CUL9: variants seen among roughly 807,000 people sequenced by gnomAD.
The protein encoded by CUL9 is cullin 9, also known as cullin-9.
CUL9 carries 79 observed loss-of-function variants against 272.6 expected under a neutral mutation model. That is an observed-to-expected ratio of 0.29 (90% CI 0.24 to 0.35). The LOEUF is 0.35. CUL9 is among the 10% of genes least tolerant of loss of function. The probability of loss-of-function intolerance (pLI) is 1.00; values close to 1 mark genes in which losing one functional copy is unlikely to be tolerated. For synonymous variants in CUL9, 1,186 were observed against 1,286.5 expected (o/e 0.92, Z 1.67); for missense variants, 2,532 against 3,255.6 (o/e 0.78, Z 5.41).
Position 43,188,027 on chromosome 6 carries a change from C to A in CUL9, c.1896C>A (p.Thr632=). 1 of 1,613,914 alleles carries A rather than the reference C, an allele frequency of 6.2e-7. No individual in the cohort carries two copies. The highest frequency in any genetic ancestry group is 1.7e-4 in the Middle Eastern group (1 of 6,060). ...EAEPTKTRTE[T]PMAQSDSQLF... Reference sequence around the variant, plus strand: ...AGCCCACCAAGACAAGGACCGAGACCCCCATGGCACAGAGTGATTCTCAGC... The same window carrying A: ...AGCCCACCAAGACAAGGACCGAGACACCCATGGCACAGAGTGATTCTCAGC... Residue 632 remains threonine, a synonymous_variant, in exon 7 of 41, where the codon ACC becomes ACA. Coordinates refer to ENST00000252050, the MANE Select transcript of CUL9 (RefSeq NM_015089.4).
At position 43,204,387 on chromosome 6, in the gene CUL9, G is replaced by A; in HGVS notation, c.4187G>A (p.Trp1396Ter). Residue 1396 changes from tryptophan (W) to a stop codon, truncating the protein, a stop_gained, in exon 21 of 41, where the codon TGG becomes TAG. Coordinates refer to ENST00000252050, the MANE Select transcript of CUL9 (RefSeq NM_015089.4). LOFTEE classifies it high-confidence loss of function. ...GCGGAAGGCGTGAGTGCCCTGGGAT[G>A]GCTGCTGGATCAGTACTTAGAACAG... The part of the protein sequence containing the change: ...PDAEGVSALG[W>*]LLDQYLEQRE... The A allele has an allele frequency of 1.2e-6, 2 of 1,614,146 alleles. No homozygotes were observed. Among genetic ancestry groups the A allele is most frequent in the Non-Finnish European group, 1.7e-6 (2 of 1,180,016 alleles).
chr6:43,214,411 T>C (rs1173430636), intron 29 of CUL9, among the ~76,000 whole-genome samples: 1 of 152,136 alleles, frequency 6.6e-6, no homozygotes, highest in Non-Finnish European at 1.5e-5. Flanking sequence ...AGCAAGACTC[T>C]GTCTCAAAAA....
rs1368593789 is a variant in CUL9, at chr6:43,198,626, ATCCAGGG to A, written c.2824_2830del (p.Gln942ArgfsTer8). 6.2e-7 allele frequency: 1 copy of A among 1,614,028 alleles called. No homozygotes were observed. Among genetic ancestry groups the A allele is most frequent in the Admixed American group, 1.7e-5 (1 of 60,000 alleles). On this transcript the variant is annotated frameshift_variant, in exon 12 of 41. Coordinates refer to ENST00000252050, the MANE Select transcript of CUL9 (RefSeq NM_015089.4). LOFTEE classifies it high-confidence loss of function. Reference sequence around the variant, plus strand: ...GGCTGCAGCACTAGAGACCCCCATCATCCAGGGTCAGGATGGGTCCCCTGAGCTACTG... The same window carrying A: ...GGCTGCAGCACTAGAGACCCCCATCATCAGGATGGGTCCCCTGAGCTACTG...
chr6:43,210,063 C>T (rs542438805), intron 26 of CUL9, among the ~76,000 whole-genome samples: 14 of 152,256 alleles, frequency 9.2e-5, no homozygotes, highest in South Asian at 6.2e-4. Context: ...CTGCAACCTC[C>T]GCCTCCCAGG....
Position 43,216,515 on chromosome 6 carries a change from C to G in CUL9, c.6282+12C>G. ...ACTATTGCTGTAAGGTGAGGCCCCA[C>G]CAGCATTGCTCCTGCCCCTGGCTTT... On this transcript the variant is annotated intron_variant, in intron 31 of 40. Transcript: ENST00000252050. 1 of 1,569,048 alleles carries G rather than the reference C, an allele frequency of 6.4e-7. No homozygotes were observed. The highest frequency in any genetic ancestry group is 8.7e-7 in the Non-Finnish European group (1 of 1,149,414).
intron 9 of CUL9, among the ~76,000 whole-genome samples, chr6:43,194,042 C>T (rs963190616): frequency 4.6e-5 from 7 of 152,168 alleles, no homozygotes; most frequent in Admixed American, 3.3e-4. Context: ...AGGCCCTTAT[C>T]CAGAGTAGCT....
chr6:43,221,691 C>T lies in CUL9; in HGVS notation c.6759C>T (p.Thr2253=). 2 of 1,613,874 alleles carry T rather than the reference C, an allele frequency of 1.2e-6. No individual in the cohort carries two copies. Among genetic ancestry groups the T allele is most frequent in the South Asian group, 2.2e-5 (2 of 91,048 alleles). The part of the protein sequence containing the change: ...IEKNEGCLHM[T]CAKCNHGFCW... ...CAGCCAGCTTCCTCCATAGCATGAC[C>T]TGTGCCAAATGTAACCATGGATTCT... is the stretch of plus-strand genomic sequence containing the variant. The change falls in exon 35 of 41, where the codon ACC becomes ACT. Residue 2253 remains threonine, a synonymous_variant. Coordinates refer to ENST00000252050, the MANE Select transcript of CUL9 (RefSeq NM_015089.4). The surrounding 1 kb of genome is among the most constrained non-coding windows in gnomAD (Gnocchi z 4.2).
chr6:43,214,471 T>C (rs1775774104), intron 29 of CUL9, among the ~76,000 whole-genome samples: 1 of 152,104 alleles, frequency 6.6e-6, no homozygotes, highest in Non-Finnish European at 1.5e-5. Flanking sequence ...AATGTTATTT[T>C]ATTTCATTTG....
intron 29 of CUL9, among the ~76,000 whole-genome samples, chr6:43,214,511 TTAG>T (rs1775776984): frequency 6.6e-6 from 1 of 151,946 alleles, no homozygotes; most frequent in Non-Finnish European, 1.5e-5. Context: ...TATGAGAAAC[TTAG>T]TAGTGGCCGG....
intron 9 of CUL9, among the ~76,000 whole-genome samples, chr6:43,195,705 C>T (rs1773934962): frequency 6.6e-6 from 1 of 152,066 alleles, no homozygotes; most frequent in East Asian, 1.9e-4. Context: ...CCCCTGAAGA[C>T]AACTAGATGC....
At chr6:43,187,601 C>A in intron 6 of CUL9, 112 bp from the exon 7 acceptor site, 1 of 1,353,792 alleles carries the variant, frequency 7.4e-7, no homozygotes, top group African/African-American at 1.4e-5. Context: ...CTGTGAGGGT[C>A]TAGTATGTAG....
intron 5 of CUL9, 37 bp from the exon 6 acceptor site, chr6:43,187,209 T>TGAGGGGTGCTG: frequency 6.2e-7 from 1 of 1,608,894 alleles, no homozygotes; most frequent in East Asian, 2.2e-5. Context: ...ACCCCATTCC[T>TGAGGGGTGCTG]GAGGGGTGCT....
chr6:43,211,054 T>TTTTTATTGTTC (rs1775440152), intron 26 of CUL9, among the ~76,000 whole-genome samples: 1 of 152,210 alleles, frequency 6.6e-6, no homozygotes, highest in African/African-American at 2.4e-5. Context: ...TTCTGAACAA[T>TTTTTATTGTTC]AAAAGGACCT....
rs145566761 is a variant in CUL9 at position 43,216,493 on chromosome 6, A to T, written c.6272A>T (p.Tyr2091Phe). 6.3e-7 allele frequency: 1 copy of T among 1,590,894 alleles called. No individual in the cohort carries two copies. ...DDLPSLCCMH[Y>F]CCKSCWNEYL... is the part of the protein sequence containing the mutation. ...CTGCCCTCTCTCTGCTGCATGCACTATTGCTGTAAGGTGAGGCCCCACCAG... is the reference window on the plus strand; with the variant it reads ...CTGCCCTCTCTCTGCTGCATGCACTTTTGCTGTAAGGTGAGGCCCCACCAG... Residue 2091 changes from tyrosine (Y) to phenylalanine (F), a missense_variant, in exon 31 of 41, where the codon TAT becomes TTT. This residue lies in a region of CUL9 where 2,218 missense variants were observed against 2,788.6 expected (regional missense o/e 0.80). Transcript: ENST00000252050.
At chr6:43,195,288 A>G (rs533858098) in intron 9 of CUL9, among the ~76,000 whole-genome samples, 5 of 152,306 alleles carry the variant, frequency 3.3e-5, no homozygotes, top group African/African-American at 1.2e-4. Flanking sequence ...CAGGAGAGAC[A>G]TTCTCCACTC....
intron 26 of CUL9, among the ~76,000 whole-genome samples, chr6:43,210,177 C>T: frequency 6.6e-6 from 1 of 152,008 alleles, no homozygotes; most frequent in Non-Finnish European, 1.5e-5. Context: ...TGGGGTTTCA[C>T]CATGTTGGCC....
rs1465745291 is a variant in CUL9, at chr6:43,188,035, C to A, written c.1904C>A (p.Ala635Glu). 4 of 1,613,756 alleles carry A rather than the reference C, an allele frequency of 2.5e-6. No homozygotes were observed. The highest frequency in any genetic ancestry group is 3.4e-6 in the Non-Finnish European group (4 of 1,179,994). The change falls in exon 7 of 41, where the codon GCA (alanine) becomes GAA (glutamate). Residue 635 changes from alanine (A) to glutamate (E), a missense_variant. Physicochemically the swap from Ala to Glu is moderately radical, Grantham distance 107. Coordinates refer to ENST00000252050, the MANE Select transcript of CUL9 (RefSeq NM_015089.4). ...AAGACAAGGACCGAGACCCCCATGG[C>A]ACAGAGTGATTCTCAGCTGTTTAAC... ...PTKTRTETPM[A>E]QSDSQLFNQL...
rs1422000779 is a variant in CUL9 at position 43,215,249 on chromosome 6, T to C, written c.5859T>C (p.Ala1953=). The C allele has an allele frequency of 6.2e-7, 1 of 1,614,144 alleles. No homozygotes were observed. Among genetic ancestry groups the C allele is most frequent in the Non-Finnish European group, 8.5e-7 (1 of 1,180,030 alleles). Residue 1953 remains alanine, a synonymous_variant, in exon 30 of 41, where the codon GCT becomes GCC. Coordinates refer to ENST00000252050, the MANE Select transcript of CUL9 (RefSeq NM_015089.4). The part of the protein sequence containing the change: ...DDRPQILMYA[A]PEPMGPCRGQ... The stretch of plus-strand genomic sequence containing the variant: ...GGCCCCAGATCCTGATGTATGCCGC[T>C]CCAGAGCCCATGGGGCCCTGCCGGG...
chr6:43,202,909 G>A (rs889486535), intron 17 of CUL9, 88 bp downstream of exon 17: 2 of 1,358,696 alleles, frequency 1.5e-6, no homozygotes, highest in African/African-American at 1.4e-5. Flanking sequence ...CCTGGGGAAT[G>A]GTGACATCCC....
Sources: allele counts gnomAD v4.1 joint callset (sites outside exome capture counted in the v4.1 genomes callset), GRCh38; gene constraint gnomAD v4.1.1; regional missense constraint gnomAD v4.1.1; non-coding constraint Gnocchi (gnomAD v3.1); transcripts MANE v1.5; gene names NCBI Gene and HGNC (gene_info 2026-07-23, HGNC 2026-07-21).